SAMD11: variants seen among roughly 807,000 people sequenced by gnomAD.
SAMD11 encodes sterile alpha motif domain containing 11, also known as sterile alpha motif domain-containing protein 11.
A neutral mutation model predicts 64.4 loss-of-function variants in SAMD11; 77 were observed. The ratio of observed to expected loss-of-function variants is 1.20; its 90% CI spans 0.99 to 1.44. The LOEUF is 1.44. SAMD11 is among the 40% of genes most tolerant of loss of function. The probability of loss-of-function intolerance (pLI) is 0.00; values close to 1 mark genes in which losing one functional copy is unlikely to be tolerated. For synonymous variants in SAMD11, 658 were observed against 421.9 expected (o/e 1.56, Z -6.86); for missense variants, 1,402 against 943.3 (o/e 1.49, Z -6.37).
chr1:926,047 A>C (rs1244674746), intron 2 of SAMD11, 34 bp downstream of exon 2: 2 of 1,583,314 alleles, frequency 1.3e-6, no homozygotes, highest in Non-Finnish European at 1.7e-6. Context: ...GCTGGGAGTT[A>C]CTCTCCCCTG....
intron 11 of SAMD11, 75 bp downstream of exon 11, chr1:943,133 G>A (rs558362411): frequency 4.5e-6 from 7 of 1,572,706 alleles, no homozygotes; most frequent in Non-Finnish European, 6.0e-6. Context: ...GTCTTGGGGG[G>A]AGGAAAAATT....
chr1:928,841 A>G (rs555978697), intron 2 of SAMD11, among the ~76,000 whole-genome samples: 1 of 152,230 alleles, frequency 6.6e-6, no homozygotes, highest in South Asian at 2.1e-4. Flanking sequence ...GGCACTGCCC[A>G]AACTAAGCTG....
At position 931,024 on chromosome 1, in the gene SAMD11, C is replaced by G. The variant is rs1229531696; in HGVS notation, c.792-15C>G. ...CCTCCAGAGCAACATGGACCTTCTG[C>G]TTCCCTTCCTGCAGAGTCCACACCC... On this transcript the variant is annotated splice_polypyrimidine_tract_variant and intron_variant, in intron 3 of 13. Transcript: ENST00000616016. 4 of 1,611,646 alleles carry G rather than the reference C, an allele frequency of 2.5e-6. No homozygotes were observed. In the African/African-American group the frequency reaches 5.3e-5, roughly 22 times the overall value.
chr1:935,662 C>CA (rs199537431), intron 4 of SAMD11, 110 bp from the exon 5 acceptor site: 25,294 of 1,459,646 alleles, frequency 0.017, 267 homozygotes, highest in South Asian at 0.022. Flanking sequence ...ACGTGGCACT[C>CA]AGAGGTCATC....
rs754952420 is a variant in SAMD11, at chr1:935,806, G to T, written c.877G>T (p.Val293Phe). The change falls in exon 5 of 14, where the codon GTC (valine) becomes TTC (phenylalanine). Residue 293 changes from valine (V) to phenylalanine (F), a missense_variant. Val to Phe is a conservative substitution (Grantham distance 50). Transcript: ENST00000616016. ...CAACCTTCCCACCCTCATATCCAGC[G>T]TCCACCGCAGCCGCCACCTCGTTAT... ...DGNLPTLISS[V>F]HRSRHLVMPE... The T allele has an allele frequency of 6.2e-7, 1 of 1,613,432 alleles. No individual in the cohort carries two copies. Among genetic ancestry groups the T allele is most frequent in the Non-Finnish European group, 8.5e-7 (1 of 1,179,892 alleles).
At position 925,963 on chromosome 1, in the gene SAMD11, G is replaced by C. The variant is rs1640863641; in HGVS notation, c.559G>C (p.Val187Leu). ...KTLMSKGILQ[V>L]HPPICDCPGC... ...GCTTATGTCCAAGGGGATCCTGCAG[G>C]TGCATCCTCCGATCTGCGACTGCCC... is the stretch of plus-strand genomic sequence containing the variant. Residue 187 changes from valine (V) to leucine (L), a missense_variant, in exon 2 of 14, where the codon GTG becomes CTG. By Grantham distance (32) the Val-to-Leu change is conservative (BLOSUM62 1). Coordinates refer to ENST00000616016, the MANE Select transcript of SAMD11 (RefSeq NM_001385641.1). The C allele has an allele frequency of 1.2e-6, 2 of 1,612,152 alleles. No individual in the cohort carries two copies. Among genetic ancestry groups the C allele is most frequent in the Non-Finnish European group, 1.7e-6 (2 of 1,179,952 alleles).
At chr1:943,418 G>A in intron 12 of SAMD11, 41 bp downstream of exon 12, 1 of 1,477,476 alleles carries the variant, frequency 6.8e-7, no homozygotes. Flanking sequence ...GCTGGAGCTG[G>A]CTGGCAGTCA....
chr1:936,287 AGGGCTCCTGGACGGAGGGGGTCCCCG>A (rs1641441653), intron 5 of SAMD11, among the ~76,000 whole-genome samples: 2 of 138,374 alleles, frequency 1.4e-5, no homozygotes, highest in Non-Finnish European at 3.2e-5. Context: ...CCCGCCTCCT[AGGGCTCCTGGACGGAGGGGGTCCCCG>A]GTCCCGCCTC....
intron 4 of SAMD11, among the ~76,000 whole-genome samples, chr1:935,194 G>T (rs984491060): frequency 6.6e-6 from 1 of 152,158 alleles, no homozygotes; most frequent in Non-Finnish European, 1.5e-5. Flanking sequence ...CCCGCCTGCC[G>T]GGGGGACAGC....
In SAMD11 at chr1:944,321, G is replaced by GA; in HGVS notation, c.*169dup. On this transcript the variant is annotated 3_prime_UTR_variant, in exon 14 of 14. Transcript: ENST00000616016. ...GGAACAAATTTTCAAAGACTTGGGG[G>GA]AGTGAAGGCAGAGCCTGGTGCAGAT... 7.2e-7 allele frequency: 1 copy of GA among 1,389,216 alleles called. No individual in the cohort carries two copies. The highest frequency in any genetic ancestry group is 9.3e-7 in the Non-Finnish European group (1 of 1,078,672). 86.1% of individuals were successfully genotyped at this position (1,389,216 alleles called of 1,614,324 possible).
Position 935,758 on chromosome 1 carries a change from G to A in SAMD11, c.843-14G>A, listed in dbSNP as rs1204935758. ...CTGCCCACGGGGTCAGCTTTTCCCG[G>A]TCTCGTTCTGCAGCCAGGACGGCAA... On this transcript the variant is annotated splice_polypyrimidine_tract_variant and intron_variant, in intron 4 of 13. Coordinates refer to ENST00000616016, the MANE Select transcript of SAMD11 (RefSeq NM_001385641.1). 1.2e-6 allele frequency: 2 copies of A among 1,613,118 alleles called. No homozygotes were observed. The highest frequency in any genetic ancestry group is 2.2e-5 in the East Asian group (1 of 44,872).
intron 5 of SAMD11, among the ~76,000 whole-genome samples, chr1:936,553 C>T (rs1228908254): frequency 6.6e-6 from 1 of 152,132 alleles, no homozygotes; most frequent in East Asian, 1.9e-4. Flanking sequence ...CCTCAGAGGG[C>T]ACTGCTGTAG....
intron 4 of SAMD11, among the ~76,000 whole-genome samples, chr1:935,061 G>C (rs915251216): frequency 6.6e-6 from 1 of 152,112 alleles, no homozygotes; most frequent in Non-Finnish European, 1.5e-5. Flanking sequence ...GGGGTGGAGG[G>C]CCGTGCTCCA....
chr1:936,491 C>T (rs1641458431), intron 5 of SAMD11, among the ~76,000 whole-genome samples: 1 of 152,036 alleles, frequency 6.6e-6, no homozygotes, highest in East Asian at 1.9e-4. Context: ...AGGGATCCGG[C>T]GCCTGAGGGA....
At position 942,542 on chromosome 1, in the gene SAMD11, G is replaced by A. The variant is rs2100358624; in HGVS notation, c.1554-17G>A. On this transcript the variant is annotated splice_polypyrimidine_tract_variant and intron_variant, in intron 10 of 13. Transcript: ENST00000616016. ...GCGGCCCGGGAGGCGGCTGACCCGCGTCTGCCCCCGGCCCAGGCTGGAGCT... is the reference window on the plus strand; with the variant it reads ...GCGGCCCGGGAGGCGGCTGACCCGCATCTGCCCCCGGCCCAGGCTGGAGCT... The A allele has an allele frequency of 1.4e-6, 2 of 1,406,580 alleles. No individual in the cohort carries two copies. The highest frequency in any genetic ancestry group is 1.8e-6 in the Non-Finnish European group (2 of 1,089,396). 87.1% of individuals were successfully genotyped at this position (1,406,580 alleles called of 1,614,324 possible).
At chr1:943,151 G>C (rs1297606624) in intron 11 of SAMD11, 93 bp downstream of exon 11, 2 of 1,586,310 alleles carry the variant, frequency 1.3e-6, no homozygotes, top group South Asian at 1.1e-5. Flanking sequence ...ATTCCCCTTA[G>C]GCACCCATCC....
chr1:944,375 G>A lies in SAMD11; in HGVS notation c.*222G>A, dbSNP rs1642020410. On this transcript the variant is annotated 3_prime_UTR_variant, in exon 14 of 14. Coordinates refer to ENST00000616016, the MANE Select transcript of SAMD11 (RefSeq NM_001385641.1). The stretch of plus-strand genomic sequence containing the variant: ...CGAGGTCTGCAGACGGAGGGCAGAG[G>A]TGGTGGAAGGGGCCAGGGGCCTGCA... 10 of 1,347,610 alleles carry A rather than the reference G, an allele frequency of 7.4e-6. No individual in the cohort carries two copies. Among genetic ancestry groups the A allele is most frequent in the East Asian group, 5.7e-5 (2 of 35,048 alleles). 83.5% of individuals were successfully genotyped at this position (1,347,610 alleles called of 1,614,324 possible).
rs904797657 is a variant in SAMD11, at chr1:942,848, G to A, written c.1843G>A (p.Gly615Arg). 4.5e-6 allele frequency: 7 copies of A among 1,551,870 alleles called. No individual in the cohort carries two copies. Among genetic ancestry groups the A allele is most frequent in the African/African-American group, 4.1e-5 (3 of 73,216 alleles). Reference protein sequence around the residue: ...ARPSESKEMTGARLWAQDGSE... With the variant: ...ARPSESKEMTRARLWAQDGSE... ...GCCCAGCGAGTCCAAGGAGATGACG[G>A]GGGCTAGGCTCTGGGCACAAGATGG... The change falls in exon 11 of 14, where the codon GGG (glycine) becomes AGG (arginine). Residue 615 changes from glycine to arginine, a missense_variant. By Grantham distance (125) the Gly-to-Arg change is moderately radical. Coordinates refer to ENST00000616016, the MANE Select transcript of SAMD11 (RefSeq NM_001385641.1).
chr1:930,065 T>C lies in SAMD11; in HGVS notation c.610-90T>C, dbSNP rs971723067. ...GAGACCAGGGCAGACCCCCGGGAGA[T>C]GGAACGGCCCGGTCCAGCCCCACCT... On this transcript the variant is annotated intron_variant, in intron 2 of 13. Coordinates refer to ENST00000616016, the MANE Select transcript of SAMD11 (RefSeq NM_001385641.1). The C allele has an allele frequency of 9.8e-6, 14 of 1,424,592 alleles. No homozygotes were observed. The East Asian group carries it at 3.4e-4, about 34-fold the overall frequency. 88.2% of individuals were successfully genotyped at this position (1,424,592 alleles called of 1,614,324 possible).
Sources: allele counts gnomAD v4.1 joint callset (sites outside exome capture counted in the v4.1 genomes callset), GRCh38; gene constraint gnomAD v4.1.1; transcripts MANE v1.5; gene names NCBI Gene and HGNC (gene_info 2026-07-23, HGNC 2026-07-21).